Variants in EPRS1 observed in about 807,000 individuals in gnomAD.
The protein encoded by EPRS1 is bifunctional glutamate/proline--tRNA ligase.
EPRS1 carries 107 observed loss-of-function variants against 188.3 expected under a neutral mutation model. The observed-to-expected ratio is 0.57, with a 90% confidence interval of 0.49 to 0.67. The LOEUF (loss-of-function observed/expected upper bound fraction) is 0.67, where lower values mean the gene tolerates loss of function less well. Ranked by LOEUF, EPRS1 falls within the 30% of genes least tolerant of loss-of-function variation. The probability of loss-of-function intolerance (pLI) is 0.00; values close to 1 mark genes in which losing one functional copy is unlikely to be tolerated. For synonymous variants in EPRS1, 596 were observed against 593.1 expected (o/e 1.00, Z -0.07); for missense variants, 1,577 against 1,802.2 (o/e 0.88, Z 2.26).
intron 18 of EPRS1, among the ~76,000 whole-genome samples, chr1:219,991,009 C>T (rs534346894): frequency 1.7e-4 from 26 of 151,996 alleles, no homozygotes; most frequent in African/African-American, 6.0e-4. Context: ...AAAGAAACAA[C>T]CTATACAAAA....
intron 16 of EPRS1, among the ~76,000 whole-genome samples, chr1:220,002,462 G>A (rs1015835634): frequency 4.6e-5 from 7 of 152,138 alleles, no homozygotes; most frequent in South Asian, 2.1e-4. Flanking sequence ...TAGAAAGGGC[G>A]TTAGTGAATG....
intron 2 of EPRS1, among the ~76,000 whole-genome samples, chr1:220,036,110 GA>G (rs1662170666): frequency 6.6e-6 from 1 of 152,198 alleles, no homozygotes; most frequent in Non-Finnish European, 1.5e-5. Context: ...TGAGGCAGGA[GA>G]ACTGCTTGAA....
At position 219,968,707 on chromosome 1, in the gene EPRS1, A is replaced by T; in HGVS notation, c.*99T>A. ...TGTGTGACTTCATTTTAGAACTTTT[A>T]CTTTTTAAAAAATCATAAAACGGTC... On this transcript the variant is annotated 3_prime_UTR_variant, in exon 32 of 32. Transcript: ENST00000366923. 8.2e-7 allele frequency: 1 copy of T among 1,224,862 alleles called. No individual in the cohort carries two copies. The highest frequency in any genetic ancestry group is 1.2e-6 in the Non-Finnish European group (1 of 864,076). The allele number at this position is 1,224,862 out of a possible 1,614,324, so 75.9% of individuals were successfully genotyped here. A position where few individuals can be genotyped will look rare whatever the true frequency, so the allele number is the denominator to read the frequency against.
intron 13 of EPRS1, 92 bp from the exon 14 acceptor site, chr1:220,007,430 T>C: frequency 1.6e-6 from 2 of 1,274,654 alleles, no homozygotes; most frequent in Non-Finnish European, 2.2e-6. Context: ...TCTTTAACCA[T>C]ACAAAAGTCT....
chr1:220,001,755 G>A (rs940392759), intron 16 of EPRS1, among the ~76,000 whole-genome samples: 2 of 152,202 alleles, frequency 1.3e-5, no homozygotes, highest in Non-Finnish European at 2.9e-5. Flanking sequence ...TTGGCCGGGC[G>A]CAGTGGCTCA....
chr1:220,010,538 G>A (rs757876454), intron 13 of EPRS1, among the ~76,000 whole-genome samples: 2 of 152,132 alleles, frequency 1.3e-5, no homozygotes, highest in African/African-American at 2.4e-5. Flanking sequence ...TCAGCCTGGC[G>A]CAGTGGCTCA....
chr1:219,976,174 A>G (rs1458638515), intron 28 of EPRS1, among the ~76,000 whole-genome samples: 1 of 152,220 alleles, frequency 6.6e-6, no homozygotes, highest in Non-Finnish European at 1.5e-5. Flanking sequence ...CGTCAGTAAC[A>G]GATTCTATAA....
At position 219,968,893 on chromosome 1, in the gene EPRS1, T is replaced by A; in HGVS notation, c.4452A>T (p.Lys1484Asn). Residue 1484 changes from lysine (K) to asparagine (N), a missense_variant, in exon 32 of 32, where the codon AAA becomes AAT. Physicochemically the swap from Lys to Asn is moderately conservative, Grantham distance 94. Coordinates refer to ENST00000366923, the MANE Select transcript of EPRS1 (RefSeq NM_004446.3). Reference sequence around the variant, plus strand: ...CTCCAGGCTGCAGTTCACAGAGTGGTTTGAAGGGGATGCAAAGGCTTTTAG... The same window carrying A: ...CTCCAGGCTGCAGTTCACAGAGTGGATTGAAGGGGATGCAAAGGCTTTTAG... ...MGAKSLCIPF[K>N]PLCELQPGAK... 1 of 1,614,040 alleles carries A rather than the reference T, an allele frequency of 6.2e-7. No individual in the cohort carries two copies. Among genetic ancestry groups the A allele is most frequent in the Non-Finnish European group, 8.5e-7 (1 of 1,179,962 alleles).
Position 220,034,880 on chromosome 1 carries a change from A to G in EPRS1, c.231+34T>C, listed in dbSNP as rs956180936. 4 of 1,202,110 alleles carry G rather than the reference A, an allele frequency of 3.3e-6. No homozygotes were observed. In the Admixed American group the frequency reaches 6.7e-5, roughly 20 times the overall value. 74.5% of individuals were successfully genotyped at this position (1,202,110 alleles called of 1,614,324 possible). ...TCCCATAAAAAAACAGAAGCATAAG[A>G]CAAAACACACACAACAAAATGTTCA... is the stretch of plus-strand genomic sequence containing the variant. On this transcript the variant is annotated intron_variant, in intron 3 of 31. Coordinates refer to ENST00000366923, the MANE Select transcript of EPRS1 (RefSeq NM_004446.3).
chr1:219,982,726 C>G, intron 23 of EPRS1, 46 bp downstream of exon 23: 1 of 1,492,070 alleles, frequency 6.7e-7, no homozygotes, highest in Non-Finnish European at 9.3e-7. Context: ...GAGGCTGTCT[C>G]TAACGTTCAG....
Position 220,018,551 on chromosome 1 carries a change from A to G in EPRS1, c.1435-43T>C, listed in dbSNP as rs548765268. 19 of 1,315,208 alleles carry G rather than the reference A, an allele frequency of 1.4e-5. No homozygotes were observed. The East Asian group carries it at 3.9e-4, about 27-fold the overall frequency. The allele number at this position is 1,315,208 out of a possible 1,614,324, so 81.5% of individuals were successfully genotyped here. A position where few individuals can be genotyped will look rare whatever the true frequency, so the allele number is the denominator to read the frequency against. Reference sequence around the variant, plus strand: ...CATGATTTTAAGGGCAAGCAGTATTAATTAGAACTTTGCCTTTATTTCATG... The same window carrying G: ...CATGATTTTAAGGGCAAGCAGTATTGATTAGAACTTTGCCTTTATTTCATG... On this transcript the variant is annotated intron_variant, in intron 11 of 31. Transcript: ENST00000366923.
intron 30 of EPRS1, chr1:219,969,332 G>A (rs1311975553): frequency 9.2e-6 from 5 of 541,400 alleles, no homozygotes; most frequent in East Asian, 6.3e-5. Context: ...CAAAACCTAC[G>A]CTCACAGCAC....
chr1:219,983,151 G>T, intron 22 of EPRS1, 38 bp downstream of exon 22: 1 of 1,486,914 alleles, frequency 6.7e-7, no homozygotes, highest in Non-Finnish European at 9.2e-7. Flanking sequence ...CAGTTTGTCA[G>T]AGAACATTGC....
chr1:220,010,821 A>G (rs994489009), intron 13 of EPRS1, 125 bp downstream of exon 13: 2 of 582,712 alleles, frequency 3.4e-6, no homozygotes, highest in African/African-American at 4.4e-5. Flanking sequence ...AAAAAAAAAA[A>G]AAAAGAAAGA....
At chr1:220,004,797 T>C (rs541971409) in intron 16 of EPRS1, among the ~76,000 whole-genome samples, 6 of 152,062 alleles carry the variant, frequency 3.9e-5, no homozygotes, top group African/African-American at 9.6e-5. Context: ...AAAATTTACA[T>C]AGAGTTCTCC....
At chr1:220,005,412 A>C (rs1435676131) in intron 15 of EPRS1, 52 bp from the exon 16 acceptor site, 1 of 917,022 alleles carries the variant, frequency 1.1e-6, no homozygotes, top group Non-Finnish European at 1.7e-6. Context: ...ATAGTAGTAA[A>C]ATAACTCTAA....
chr1:219,983,056 GC>G, intron 22 of EPRS1, 132 bp downstream of exon 22: 1 of 771,288 alleles, frequency 1.3e-6, no homozygotes, highest in Non-Finnish European at 2.1e-6. Context: ...ATCATTACTT[GC>G]TATAAAGGTA....
At chr1:219,980,042 T>G in intron 26 of EPRS1, 43 bp downstream of exon 26, 1 of 1,569,478 alleles carries the variant, frequency 6.4e-7, no homozygotes, top group Non-Finnish European at 8.7e-7. Flanking sequence ...GTCCATGGAC[T>G]GTGCTTACAG....
chr1:220,020,245 A>G, intron 9 of EPRS1, 24 bp from the exon 10 acceptor site: 1 of 1,448,812 alleles, frequency 6.9e-7, no homozygotes, highest in South Asian at 1.2e-5. Context: ...AAATAAAATA[A>G]ACAAAACATT....
Sources: allele counts gnomAD v4.1 joint callset (sites outside exome capture counted in the v4.1 genomes callset), GRCh38; gene constraint gnomAD v4.1.1; transcripts MANE v1.5; gene names NCBI Gene and HGNC (gene_info 2026-07-23, HGNC 2026-07-21).